Variants in GLYATL2 observed in about 807,000 individuals in gnomAD.
GLYATL2 encodes the protein glycine-N-acyltransferase like 2.
In GLYATL2, 25 loss-of-function variants were observed where a neutral mutation model predicts 21.4. That is an observed-to-expected ratio of 1.17 (90% CI 0.85 to 1.63). The LOEUF (loss-of-function observed/expected upper bound fraction) is 1.63. GLYATL2 is among the 40% of genes most tolerant of loss of function. The pLI is 0.00. For missense variants in GLYATL2, 361 were observed against 343.3 expected, an observed-to-expected ratio of 1.05 and a Z score of -0.41; for synonymous variants, 114 against 118.2, an observed-to-expected ratio of 0.96 and a Z score of 0.23.
At chr11:58,883,052 T>C (rs1025558431) in intron 1 of GLYATL2, among the ~76,000 whole-genome samples, 3 of 152,240 alleles carry the variant, frequency 2.0e-5, no homozygotes, top group Non-Finnish European at 2.9e-5. Context: ...CTTTTTTGAT[T>C]GCATATGAAC....
chr11:58,871,398 AG>A (rs1854116347), intron 1 of GLYATL2, among the ~76,000 whole-genome samples: 1 of 151,910 alleles, frequency 6.6e-6, no homozygotes, highest in African/African-American at 2.4e-5. Flanking sequence ...CTCATCATTT[AG>A]CATTAGGTAT....
At chr11:58,835,203 A>G (rs960540984) in intron 5 of GLYATL2, among the ~76,000 whole-genome samples, 2 of 152,218 alleles carry the variant, frequency 1.3e-5, no homozygotes, top group African/African-American at 4.8e-5. Context: ...GTATGAAACC[A>G]TGTGCATTTT....
intron 1 of GLYATL2, among the ~76,000 whole-genome samples, chr11:58,859,862 A>G (rs1302155999): frequency 6.6e-6 from 1 of 152,162 alleles, no homozygotes; most frequent in Non-Finnish European, 1.5e-5. Flanking sequence ...AACAGCATTT[A>G]TTAAAGAGAC....
intron 1 of GLYATL2, among the ~76,000 whole-genome samples, chr11:58,900,817 CTTTCA>C (rs1854724543): frequency 1.3e-5 from 2 of 152,194 alleles, no homozygotes; most frequent in Admixed American, 6.5e-5. Flanking sequence ...TCAGCTTTGG[CTTTCA>C]TGGAAGCTAC....
At chr11:58,847,997 CTTTTTTTTT>C (rs56234893), upstream of GLYATL2, among the ~76,000 whole-genome samples, 3 of 99,658 alleles carry the variant, frequency 3.0e-5, no homozygotes, top group Admixed American at 1.1e-4. Context: ...GAGAGAGAGG[CTTTTTTTTT>C]TTTTTTTTTT....
chr11:58,905,952 C>A (rs1399737574), upstream of GLYATL2, among the ~76,000 whole-genome samples: 3 of 152,200 alleles, frequency 2.0e-5, no homozygotes, highest in Non-Finnish European at 4.4e-5. Context: ...CATTGGCCAG[C>A]GAGAGTGTCA....
At chr11:58,874,617 C>A (rs1056847603) in intron 1 of GLYATL2, among the ~76,000 whole-genome samples, 5 of 152,152 alleles carry the variant, frequency 3.3e-5, no homozygotes, top group Admixed American at 3.3e-4. Flanking sequence ...GTTTCTTAAT[C>A]CTGAGTTCTA....
chr11:58,878,531 G>A (rs1854278589), intron 1 of GLYATL2: 1 of 185,076 alleles, frequency 5.4e-6, no homozygotes, highest in Non-Finnish European at 1.1e-5. Flanking sequence ...GAATTAGCTG[G>A]CTTCGATCCC....
intron 1 of GLYATL2, among the ~76,000 whole-genome samples, chr11:58,886,545 A>C (rs1854443980): frequency 6.6e-6 from 1 of 152,218 alleles, no homozygotes. Flanking sequence ...GATCTTCTTC[A>C]GAGGATTACA....
intron 1 of GLYATL2, among the ~76,000 whole-genome samples, chr11:58,843,853 T>C (rs1853595859): frequency 6.6e-6 from 1 of 151,942 alleles, no homozygotes; most frequent in Non-Finnish European, 1.5e-5. Context: ...GTCAACAGAG[T>C]AGGAGCCAAG....
At chr11:58,850,875 G>A (rs759087135) in intron 1 of GLYATL2, among the ~76,000 whole-genome samples, 9 of 152,116 alleles carry the variant, frequency 5.9e-5, no homozygotes, top group Admixed American at 2.0e-4. Context: ...GTGCTTCAGC[G>A]GTCATGCTCC....
chr11:58,888,901 C>A (rs1854489873), intron 1 of GLYATL2, among the ~76,000 whole-genome samples: 1 of 151,828 alleles, frequency 6.6e-6, no homozygotes, highest in Non-Finnish European at 1.5e-5. Context: ...TTTTCCAGTT[C>A]CCCACCAACT....
At chr11:58,896,954 C>T (rs1854646121) in intron 1 of GLYATL2, among the ~76,000 whole-genome samples, 1 of 152,158 alleles carries the variant, frequency 6.6e-6, no homozygotes, top group Non-Finnish European at 1.5e-5. Flanking sequence ...TCTGCCAGTT[C>T]CCTCATATTT....
chr11:58,834,960 C>T (rs192840791), intron 5 of GLYATL2, 123 bp from the exon 6 acceptor site: 8 of 644,352 alleles, frequency 1.2e-5, no homozygotes, highest in African/African-American at 1.1e-4. Flanking sequence ...GCAATAGATG[C>T]ATAACAACTA....
At chr11:58,835,292 G>A (rs1369099614) in intron 5 of GLYATL2, among the ~76,000 whole-genome samples, 1 of 152,118 alleles carries the variant, frequency 6.6e-6, no homozygotes, top group Non-Finnish European at 1.5e-5. Context: ...ATATTTTACA[G>A]GAAGATGAGA....
chr11:58,883,346 G>C (rs1447425769), intron 1 of GLYATL2, among the ~76,000 whole-genome samples: 1 of 152,076 alleles, frequency 6.6e-6, no homozygotes, highest in Non-Finnish European at 1.5e-5. Context: ...AGAAAAGAAA[G>C]AAGAATCAAA....
chr11:58,877,610 G>A (rs571280573), intron 1 of GLYATL2, among the ~76,000 whole-genome samples: 2 of 152,304 alleles, frequency 1.3e-5, no homozygotes, highest in South Asian at 4.1e-4. Context: ...AAGAGAGTGT[G>A]CTGTCTTGGA....
At chr11:58,871,271 T>TTTTA (rs371060157) in intron 1 of GLYATL2, among the ~76,000 whole-genome samples, 113 of 151,856 alleles carry the variant, frequency 7.4e-4, no homozygotes, top group African/African-American at 2.2e-3. Flanking sequence ...TTTTATTTTA[T>TTTTA]TTTATTTATT....
intron 1 of GLYATL2, among the ~76,000 whole-genome samples, chr11:58,896,481 T>C (rs951354638): frequency 6.6e-6 from 1 of 152,200 alleles, no homozygotes; most frequent in Admixed American, 6.5e-5. Flanking sequence ...TCAATTTCCA[T>C]AGTGTGAGAC....
Sources: gnomAD v4.1 joint callset for allele counts (sites outside exome capture counted in the v4.1 genomes callset) on GRCh38, gnomAD v4.1.1 for gene constraint, MANE v1.5 for transcripts, NCBI Gene and HGNC (gene_info 2026-07-23, HGNC 2026-07-21) for gene names.